Variants in KNDC1 observed in about 807,000 individuals in gnomAD.
KNDC1 encodes kinase non-catalytic C-lobe domain-containing protein 1.
KNDC1 carries 106 observed loss-of-function variants against 172.8 expected under a neutral mutation model. The ratio of observed to expected loss-of-function variants is 0.61; its 90% CI spans 0.52 to 0.72. The LOEUF (loss-of-function observed/expected upper bound fraction) is 0.72. Among genes scored for constraint, KNDC1 ranks in the 30% least tolerant of loss-of-function variants. The probability of loss-of-function intolerance (pLI) is 0.00; values close to 1 mark genes in which losing one functional copy is unlikely to be tolerated. For synonymous variants in KNDC1, 1,083 were observed against 1,062.2 expected, an observed-to-expected ratio of 1.02 and a Z score of -0.38; for missense variants, 2,325 against 2,394.5, an observed-to-expected ratio of 0.97 and a Z score of 0.61.
chr10:133,179,677 G>A (rs920137202), intron 3 of KNDC1, among the ~76,000 whole-genome samples: 3 of 152,234 alleles, frequency 2.0e-5, no homozygotes, highest in Admixed American at 2.0e-4. Context: ...CACGTGCGTG[G>A]CCAGGCCCTG....
At chr10:133,222,092 G>A (rs1168797942) in intron 29 of KNDC1, among the ~76,000 whole-genome samples, 5 of 150,126 alleles carry the variant, frequency 3.3e-5, no homozygotes, top group African/African-American at 1.2e-4. Flanking sequence ...GACCAGCCTG[G>A]CCAACATGGT....
At chr10:133,218,185 G>A (rs927520393) in intron 26 of KNDC1, among the ~76,000 whole-genome samples, 2 of 152,220 alleles carry the variant, frequency 1.3e-5, no homozygotes, top group Non-Finnish European at 2.9e-5. Context: ...CAACAGGAGG[G>A]GTCAGCTGAG....
Position 133,198,881 on chromosome 10 carries a change from G to A in KNDC1, c.2373G>A (p.Ala791=), listed in dbSNP as rs750980888. 6.9e-6 allele frequency: 11 copies of A among 1,595,318 alleles called. No homozygotes were observed. Among genetic ancestry groups the A allele is most frequent in the African/African-American group, 1.3e-5 (1 of 74,628 alleles). The change falls in exon 14 of 30, where the codon GCG becomes GCA. Residue 791 remains alanine (A), a synonymous_variant. Transcript: ENST00000304613. ...PVPAPPTKAS[A]LPVEQGPAEP... Reference sequence around the variant, plus strand: ...CCGCCCCGCCCACGAAGGCATCTGCGCTGCCCGTAGAGCAAGGGCCGGCTG... The same window carrying A: ...CCGCCCCGCCCACGAAGGCATCTGCACTGCCCGTAGAGCAAGGGCCGGCTG...
In KNDC1 at chr10:133,168,329, G is replaced by T. The variant is rs779709003; in HGVS notation, c.360+17G>T. 2 of 1,610,934 alleles carry T rather than the reference G, an allele frequency of 1.2e-6. No individual in the cohort carries two copies. Among genetic ancestry groups the T allele is most frequent in the East Asian group, 2.2e-5 (1 of 44,862 alleles). ...ACCTTTGAGGTAAGTGCAGGTGGGG[G>T]TAATGTGCCACACCCCCCTTTTACC... On this transcript the variant is annotated intron_variant, in intron 3 of 29. Transcript: ENST00000304613.
chr10:133,160,412 G>A lies in KNDC1; in HGVS notation c.-56G>A. ...CCATGGAGCCAGGGCGCGCGTAGCC[G>A]AGCCCAGCCCAGCCCAGCCGGAGGC... On this transcript the variant is annotated 5_prime_UTR_variant, in exon 1 of 30. Transcript: ENST00000304613. 2.6e-6 allele frequency: 3 copies of A among 1,144,922 alleles called. No individual in the cohort carries two copies. The highest frequency in any genetic ancestry group is 2.3e-6 in the Non-Finnish European group (2 of 879,406). The allele number at this position is 1,144,922 out of a possible 1,614,324, so 70.9% of individuals were successfully genotyped here.
In KNDC1 at chr10:133,168,128, C is replaced by G. The variant is rs1025011478; in HGVS notation, c.302-126C>G. 3.7e-6 allele frequency: 3 copies of G among 810,204 alleles called. No individual in the cohort carries two copies. In the African/African-American group the frequency reaches 5.0e-5, roughly 14 times the overall value. The allele number at this position is 810,204 out of a possible 1,614,324, so 50.2% of individuals were successfully genotyped here. The stretch of plus-strand genomic sequence containing the variant: ...TCCCTTTTTCATGGCCTAAAATGGT[C>G]TGGGGACACCAGGTCTGCGGGGAGG... On this transcript the variant is annotated intron_variant, in intron 2 of 29. Transcript: ENST00000304613.
chr10:133,208,325 C>A (rs1368100640), intron 20 of KNDC1, among the ~76,000 whole-genome samples: 1 of 39,610 alleles, frequency 2.5e-5, no homozygotes, highest in Non-Finnish European at 5.6e-5. Context: ...ACCCCGTTAC[C>A]CCAAGGACCC....
chr10:133,203,849 C>A (rs35829129), intron 17 of KNDC1, among the ~76,000 whole-genome samples: 49 of 152,350 alleles, frequency 3.2e-4, no homozygotes, highest in South Asian at 6.2e-4. Flanking sequence ...GTGGTTCCCG[C>A]GTGAGGAGCG....
At chr10:133,213,917 G>A (rs994058521) in intron 25 of KNDC1, 55 bp from the exon 26 acceptor site, 39 of 1,605,788 alleles carry the variant, frequency 2.4e-5, no homozygotes, top group African/African-American at 4.0e-5. Context: ...CCCCAGGGCC[G>A]GGCAGGGCCA....
In KNDC1 at chr10:133,197,738, A is replaced by G. The variant is rs773561456; in HGVS notation, c.1876A>G (p.Ser626Gly). ...NAFSVVELKP[S>G]VAPAPEPSPG... Reference sequence around the variant, plus strand: ...CTTCTCAGTGGTTGAACTGAAGCCCAGTGTGGCACCAGCCCCAGAGCCCAG... The same window carrying G: ...CTTCTCAGTGGTTGAACTGAAGCCCGGTGTGGCACCAGCCCCAGAGCCCAG... The change falls in exon 12 of 30, where the codon AGT (serine) becomes GGT (glycine). Residue 626 changes from serine (S) to glycine (G), a missense_variant. Physicochemically the swap from Ser to Gly is moderately conservative, Grantham distance 56 (BLOSUM62 0). Transcript: ENST00000304613. 12 of 1,612,856 alleles carry G rather than the reference A, an allele frequency of 7.4e-6. No homozygotes were observed. In the East Asian group the frequency reaches 2.7e-4, roughly 36 times the overall value.
chr10:133,201,940 C>A, intron 17 of KNDC1, 42 bp downstream of exon 17: 2 of 1,521,652 alleles, frequency 1.3e-6, no homozygotes, highest in South Asian at 1.2e-5. Context: ...GGCAGGGCGT[C>A]TCCTTCCAGC....
chr10:133,187,490 C>T (rs1030255392), intron 6 of KNDC1, among the ~76,000 whole-genome samples: 5 of 152,252 alleles, frequency 3.3e-5, no homozygotes, highest in African/African-American at 9.6e-5. Context: ...TGCCAGGCAG[C>T]GCCTGGCCCG....
chr10:133,221,705 A>G (rs1403531718), intron 29 of KNDC1, among the ~76,000 whole-genome samples: 2 of 152,270 alleles, frequency 1.3e-5, no homozygotes, highest in East Asian at 3.8e-4. Context: ...CCAATTTAAA[A>G]ACAATAATTA....
At chr10:133,173,296 T>C (rs1269109374) in intron 3 of KNDC1, among the ~76,000 whole-genome samples, 2 of 152,232 alleles carry the variant, frequency 1.3e-5, no homozygotes, top group Non-Finnish European at 2.9e-5. Flanking sequence ...TCTCATTCTC[T>C]CTTTTCCTCC....
intron 9 of KNDC1, among the ~76,000 whole-genome samples, chr10:133,190,837 T>C (rs1854055652): frequency 6.6e-6 from 1 of 152,202 alleles, no homozygotes; most frequent in African/African-American, 2.4e-5. Context: ...CTGTGAGACC[T>C]GAAGCTCTTA....
At chr10:133,182,974 T>C (rs2998145) in intron 3 of KNDC1, among the ~76,000 whole-genome samples, 172 of 17,668 alleles carry the variant, frequency 9.7e-3, no homozygotes, top group African/African-American at 0.016. Flanking sequence ...GCACAGGCGG[T>C]GTGGGCACAG....
chr10:133,222,702 T>C (rs1845632274), intron 29 of KNDC1, among the ~76,000 whole-genome samples: 1 of 17,142 alleles, frequency 5.8e-5, no homozygotes, highest in Non-Finnish European at 1.6e-4. Context: ...CATCCAGGCA[T>C]GCTCTTCCCG....
intron 10 of KNDC1, 111 bp from the exon 11 acceptor site, chr10:133,196,945 CAG>C: frequency 2.5e-6 from 2 of 803,096 alleles, no homozygotes; most frequent in Non-Finnish European, 4.2e-6. Context: ...TGAGAACAAA[CAG>C]GAAACCCTCC....
chr10:133,213,950 A>G (rs1845425092), intron 25 of KNDC1, 22 bp from the exon 26 acceptor site: 1 of 1,613,766 alleles, frequency 6.2e-7, no homozygotes, highest in African/African-American at 1.3e-5. Flanking sequence ...TGGGGGTGAC[A>G]GGGACCATAT....
Sources: allele counts gnomAD v4.1 joint callset (sites outside exome capture counted in the v4.1 genomes callset), GRCh38; gene constraint gnomAD v4.1.1; transcripts MANE v1.5; gene names NCBI Gene and HGNC (gene_info 2026-07-23, HGNC 2026-07-21).